ZNF148: variants seen among roughly 807,000 people sequenced by gnomAD.
ZNF148 encodes the protein Beta-Enolase Repressor Factor-1.
Under a neutral mutation model 67.7 loss-of-function variants are expected in ZNF148, and 7 were observed. The ratio of observed to expected loss-of-function variants is 0.10; its 90% CI spans 0.06 to 0.19. The LOEUF (loss-of-function observed/expected upper bound fraction) is 0.19. ZNF148 is among the 10% of genes least tolerant of loss of function. ZNF148 has a pLI of 1.00. For missense variants in ZNF148, 583 were observed against 947.1 expected (o/e 0.62, Z 5.05); for synonymous variants, 333 against 330.7 (o/e 1.01, Z -0.08).
chr3:125,372,039 G>C (rs947655407), intron 1 of ZNF148, among the ~76,000 whole-genome samples: 2 of 146,968 alleles, frequency 1.4e-5, no homozygotes, highest in African/African-American at 5.1e-5. Flanking sequence ...ACTCTAGCCT[G>C]GGTGACAGAG....
intron 7 of ZNF148, among the ~76,000 whole-genome samples, chr3:125,250,932 A>G (rs902787895): frequency 1.3e-5 from 2 of 152,180 alleles, no homozygotes; most frequent in Non-Finnish European, 2.9e-5. Context: ...AACATACACA[A>G]AAGTAGAGAA....
chr3:125,263,497 G>C (rs916779421), intron 7 of ZNF148, among the ~76,000 whole-genome samples: 1 of 151,348 alleles, frequency 6.6e-6, no homozygotes, highest in Non-Finnish European at 1.5e-5. Context: ...GTTGCAGTGA[G>C]CCAAGATTGT....
chr3:125,316,966 T>C (rs1045306744), intron 3 of ZNF148, among the ~76,000 whole-genome samples: 4 of 152,152 alleles, frequency 2.6e-5, no homozygotes, highest in African/African-American at 9.7e-5. Flanking sequence ...CATAAAGTAC[T>C]AGAGTGAGAG....
intron 6 of ZNF148, among the ~76,000 whole-genome samples, 172 bp from the exon 7 acceptor site, chr3:125,277,981 A>G (rs1476470030): frequency 6.6e-6 from 1 of 152,138 alleles, no homozygotes; most frequent in African/African-American, 2.4e-5. Context: ...TTTTTTTCCC[A>G]GGATTTAAAA....
At chr3:125,350,832 AC>A (rs2107757554) in intron 1 of ZNF148, among the ~76,000 whole-genome samples, 1 of 152,282 alleles carries the variant, frequency 6.6e-6, no homozygotes, top group East Asian at 1.9e-4. Flanking sequence ...ATATATATAC[AC>A]ACACACAATG....
intron 1 of ZNF148, among the ~76,000 whole-genome samples, chr3:125,355,362 T>G (rs1452747149): frequency 3.3e-5 from 5 of 152,196 alleles, no homozygotes; most frequent in African/African-American, 9.6e-5. Context: ...TCATGGGGAC[T>G]GTCATATGCA....
At chr3:125,284,454 G>C (rs1022815459) in intron 5 of ZNF148, among the ~76,000 whole-genome samples, 1 of 152,146 alleles carries the variant, frequency 6.6e-6, no homozygotes, top group African/African-American at 2.4e-5. Context: ...GGAATGAGAA[G>C]TGAAGTGATT....
In ZNF148 at chr3:125,225,675, T is replaced by C. The variant is rs572888205; in HGVS notation, c.*6666A>G. On this transcript the variant is annotated 3_prime_UTR_variant, in exon 9 of 9. Transcript: ENST00000360647. ...CTCAATGACAACACATTAATTCAAG[T>C]GACTTCAATTTTTTATTTTTTCTTA... 6.6e-6 allele frequency: 1 copy of C among 152,202 alleles called. No individual in the cohort carries two copies. The highest frequency in any genetic ancestry group is 2.4e-5 in the African/African-American group (1 of 41,440). The allele number at this position is 152,202 out of a possible 1,614,324, so 9.4% of individuals were successfully genotyped here. A position where few individuals can be genotyped will look rare whatever the true frequency, so the allele number is the denominator to read the frequency against.
In ZNF148 at chr3:125,371,658, C is replaced by CA. The variant is rs34843090; in HGVS notation, c.-234+3443dup. Among the ~76,000 whole-genome samples, 485 of 51,096 alleles carry CA rather than the reference C, an allele frequency of 9.5e-3. 4 individuals carry two copies. The highest frequency in any genetic ancestry group is 0.024 in the African/African-American group (300 of 12,280). The allele number at this position is 51,096 out of a possible 152,430, so 33.5% of individuals were successfully genotyped here. A position where few individuals can be genotyped will look rare whatever the true frequency, so the allele number is the denominator to read the frequency against. On this transcript the variant is annotated intron_variant, in intron 1 of 8. Coordinates refer to ENST00000360647, the MANE Select transcript of ZNF148 (RefSeq NM_021964.3). ...TGAGCGACAAAGCTAGACTCCGTCC[C>CA]AAAAAAAAAAAAAAAAAAGAATTGC...
chr3:125,353,597 A>G (rs569259723), intron 1 of ZNF148, among the ~76,000 whole-genome samples: 1 of 152,144 alleles, frequency 6.6e-6, no homozygotes, highest in Non-Finnish European at 1.5e-5. Flanking sequence ...GTGAGTCTAT[A>G]ATTTTTTCAA....
intron 7 of ZNF148, among the ~76,000 whole-genome samples, chr3:125,276,817 A>T (rs1209510855): frequency 6.6e-6 from 1 of 152,238 alleles, no homozygotes; most frequent in Admixed American, 6.5e-5. Context: ...GTTATCAGAC[A>T]GAAAAGGTTG....
chr3:125,326,159 A>T (rs939279716), intron 2 of ZNF148, among the ~76,000 whole-genome samples: 2 of 152,236 alleles, frequency 1.3e-5, no homozygotes, highest in Admixed American at 6.5e-5. Context: ...AAGCCCATTA[A>T]GCTGAAAGGA....
chr3:125,320,751 G>A (rs954745967), intron 3 of ZNF148, among the ~76,000 whole-genome samples: 2 of 152,084 alleles, frequency 1.3e-5, no homozygotes, highest in African/African-American at 4.8e-5. Context: ...AGCACTCAAA[G>A]GAACTTGTTC....
intron 1 of ZNF148, among the ~76,000 whole-genome samples, chr3:125,358,196 C>A (rs1052882942): frequency 6.6e-6 from 1 of 152,020 alleles, no homozygotes; most frequent in Non-Finnish European, 1.5e-5. Context: ...ACCTGTAATC[C>A]CAGTTATTCA....
chr3:125,317,491 T>C (rs1043852763), intron 3 of ZNF148, among the ~76,000 whole-genome samples: 2 of 151,796 alleles, frequency 1.3e-5, no homozygotes, highest in Non-Finnish European at 2.9e-5. Flanking sequence ...TAAGCATCCA[T>C]AGACAGGTGA....
chr3:125,318,245 A>G (rs981891463), intron 3 of ZNF148, among the ~76,000 whole-genome samples: 2 of 152,170 alleles, frequency 1.3e-5, no homozygotes, highest in Admixed American at 6.5e-5. Flanking sequence ...CACATGCCAT[A>G]TCCCTCCTCT....
chr3:125,307,496 G>C (rs564447026), intron 4 of ZNF148, among the ~76,000 whole-genome samples: 9 of 152,178 alleles, frequency 5.9e-5, no homozygotes, highest in African/African-American at 1.9e-4. Context: ...AGTTGAGACG[G>C]GGTTTCACCT....
chr3:125,252,427 A>G (rs941460328), intron 7 of ZNF148, among the ~76,000 whole-genome samples: 10 of 152,254 alleles, frequency 6.6e-5, no homozygotes, highest in African/African-American at 2.4e-4. Context: ...TGATTTTTGT[A>G]TATGGTGTAA....
At chr3:125,258,156 C>A (rs1937170952) in intron 7 of ZNF148, among the ~76,000 whole-genome samples, 1 of 152,088 alleles carries the variant, frequency 6.6e-6, no homozygotes, top group South Asian at 2.1e-4. Flanking sequence ...GGTGCGGTGG[C>A]TCACGCCTGT....
Sources: allele counts gnomAD v4.1 joint callset (sites outside exome capture counted in the v4.1 genomes callset), GRCh38; gene constraint gnomAD v4.1.1; transcripts MANE v1.5; gene names NCBI Gene and HGNC (gene_info 2026-07-23, HGNC 2026-07-21).